The following MED13 variants were observed in gnomAD, a reference collection of about 807,000 sequenced individuals.
The protein encoded by MED13 is mediator of RNA polymerase II transcription subunit 13.
In MED13, 23 loss-of-function variants were observed where a neutral mutation model predicts 225.2. That is an observed-to-expected ratio of 0.10 (90% CI 0.07 to 0.14). The LOEUF is 0.14. Ranked by LOEUF, MED13 falls within the 10% of genes least tolerant of loss-of-function variation. The pLI is 1.00. For synonymous variants in MED13, 942 were observed against 889.2 expected, an observed-to-expected ratio of 1.06 and a Z score of -1.06; for missense variants, 2,197 against 2,594.5, an observed-to-expected ratio of 0.85 and a Z score of 3.33.
At position 62,029,859 on chromosome 17, in the gene MED13, T is replaced by C; in HGVS notation, c.1164A>G (p.Ala388=). 1 of 1,603,094 alleles carries C rather than the reference T, an allele frequency of 6.2e-7. No homozygotes were observed. Among genetic ancestry groups the C allele is most frequent in the Non-Finnish European group, 8.5e-7 (1 of 1,176,678 alleles). The change falls in exon 7 of 30, where the codon GCA becomes GCG. Residue 388 remains alanine (A), a synonymous_variant. Transcript: ENST00000397786. ...TAAATGAAAATACACACTTGTTCTG[T>C]GCTCTGTTCATATTGCATTCTTGCC... ...RVWQECNMNR[A]QNKRKYSASS... is the part of the protein sequence containing the mutation.
At chr17:61,991,463 C>G (rs1167604298) in intron 11 of MED13, among the ~76,000 whole-genome samples, 2 of 152,056 alleles carry the variant, frequency 1.3e-5, no homozygotes, top group Non-Finnish European at 2.9e-5. Flanking sequence ...CCTCAGCCTC[C>G]CAAGTTGCTG....
Position 62,035,450 on chromosome 17 carries a change from T to G in MED13, c.616+13A>C. ...ATAAAAGATCAAATACCTAATATAATAAAATAATCTACCTTGAAATGGGCT... is the reference window on the plus strand; with the variant it reads ...ATAAAAGATCAAATACCTAATATAAGAAAATAATCTACCTTGAAATGGGCT... On this transcript the variant is annotated intron_variant, in intron 4 of 29. Coordinates refer to ENST00000397786, the MANE Select transcript of MED13 (RefSeq NM_005121.3). 2 of 1,577,278 alleles carry G rather than the reference T, an allele frequency of 1.3e-6. No homozygotes were observed. Among genetic ancestry groups the G allele is most frequent in the Middle Eastern group, 1.9e-4 (1 of 5,306 alleles).
intron 16 of MED13, among the ~76,000 whole-genome samples, chr17:61,979,581 T>C (rs766473586): frequency 5.9e-5 from 9 of 152,176 alleles, no homozygotes; most frequent in Non-Finnish European, 1.3e-4. Flanking sequence ...ATGCTGGGAT[T>C]ACAGCCATAA....
At chr17:62,055,267 G>T (rs2080987396) in intron 2 of MED13, among the ~76,000 whole-genome samples, 1 of 151,892 alleles carries the variant, frequency 6.6e-6, no homozygotes, top group African/African-American at 2.4e-5. Flanking sequence ...TGGCACGGCT[G>T]TAGTCCCAGC....
chr17:61,990,602 T>TATATAC (rs1567963197), intron 11 of MED13, among the ~76,000 whole-genome samples: 6 of 144,140 alleles, frequency 4.2e-5, no homozygotes, highest in African/African-American at 1.6e-4. Context: ...TATATATATA[T>TATATAC]ACACACACAC....
At chr17:61,968,373 T>C (rs1486126737) in intron 17 of MED13, 115 bp from the exon 18 acceptor site, 4 of 724,320 alleles carry the variant, frequency 5.5e-6, no homozygotes, top group Non-Finnish European at 8.0e-6. Flanking sequence ...TCGCCCAGAC[T>C]GGAGTGCAGT....
At chr17:61,992,703 C>A in intron 10 of MED13, 82 bp from the exon 11 acceptor site, 1 of 904,164 alleles carries the variant, frequency 1.1e-6, no homozygotes, top group South Asian at 1.4e-5. Flanking sequence ...AGCTGTGTGT[C>A]AGGCATCCAG....
chr17:61,998,139 A>T (rs1379639832), intron 9 of MED13, among the ~76,000 whole-genome samples: 17 of 152,142 alleles, frequency 1.1e-4, no homozygotes, highest in Middle Eastern at 3.4e-3. Context: ...GATGCCAGAT[A>T]AAAAAACTCT....
At chr17:61,959,044 C>A (rs1280202278) in intron 23 of MED13, among the ~76,000 whole-genome samples, 1 of 151,810 alleles carries the variant, frequency 6.6e-6, no homozygotes, top group Non-Finnish European at 1.5e-5. Context: ...GCTCTTGATG[C>A]CCAGGCTAGA....
intron 3 of MED13, among the ~76,000 whole-genome samples, chr17:62,047,033 CTTTT>C (rs34660935): frequency 7.1e-6 from 1 of 141,672 alleles, no homozygotes; most frequent in African/African-American, 2.6e-5. Context: ...CTGTGCCCAG[CTTTT>C]TTTTTTTTTT....
chr17:61,980,067 T>C (rs2080190499), intron 16 of MED13, among the ~76,000 whole-genome samples: 1 of 152,090 alleles, frequency 6.6e-6, no homozygotes, highest in African/African-American at 2.4e-5. Context: ...CGTGCACCTG[T>C]AGTCCCAGCC....
chr17:62,003,492 C>T (rs2080415089), intron 9 of MED13, among the ~76,000 whole-genome samples: 1 of 148,770 alleles, frequency 6.7e-6, no homozygotes, highest in Admixed American at 6.8e-5. Context: ...GTAATCCCAG[C>T]TACTTGGGAG....
rs1014585714 is a variant in MED13 at position 61,965,320 on chromosome 17, C to T, written c.4530G>A (p.Ala1510=). 40 of 1,614,024 alleles carry T rather than the reference C, an allele frequency of 2.5e-5. 1 individual carries two copies. The highest frequency in any genetic ancestry group is 8.3e-5 in the Admixed American group (5 of 59,996). The stretch of plus-strand genomic sequence containing the variant: ...CTGAAGTCACTGTCATAGTGCTGCT[C>T]GCTGCAGATGCTAAGGTGGCAGATG... The part of the protein sequence containing the change: ...NTPSATLASA[A]SSTMTVTSGV... Residue 1510 remains alanine, a synonymous_variant, in exon 20 of 30, where the codon GCG becomes GCA. Transcript: ENST00000397786.
At chr17:61,971,927 C>CT (rs1381986266) in intron 17 of MED13, among the ~76,000 whole-genome samples, 1 of 151,900 alleles carries the variant, frequency 6.6e-6, no homozygotes, top group Non-Finnish European at 1.5e-5. Context: ...AAGCGAGACT[C>CT]TGTCTCCAAA....
At chr17:61,990,442 G>C (rs1171433190) in intron 11 of MED13, among the ~76,000 whole-genome samples, 2 of 151,848 alleles carry the variant, frequency 1.3e-5, no homozygotes, top group Admixed American at 1.3e-4. Flanking sequence ...CCTCATACCA[G>C]TCTCCATTGT....
chr17:61,977,826 A>T (rs984732413), intron 16 of MED13, among the ~76,000 whole-genome samples: 15 of 151,492 alleles, frequency 9.9e-5, no homozygotes, highest in Admixed American at 6.6e-4. Flanking sequence ...CCTGGTCTCA[A>T]GCAATACTCC....
chr17:62,025,930 A>C (rs926611481), intron 8 of MED13, among the ~76,000 whole-genome samples: 3 of 152,240 alleles, frequency 2.0e-5, no homozygotes, highest in African/African-American at 7.2e-5. Flanking sequence ...CCTCCATAAG[A>C]ATATTCAATT....
At chr17:61,993,948 C>CAAAAA (rs111448799) in intron 10 of MED13, among the ~76,000 whole-genome samples, 2 of 144,884 alleles carry the variant, frequency 1.4e-5, no homozygotes, top group Non-Finnish European at 1.5e-5. Context: ...AACAAACAAA[C>CAAAAA]AAAAAAAAAA....
chr17:62,064,322 C>G (rs543472580), intron 1 of MED13, among the ~76,000 whole-genome samples: 2 of 152,314 alleles, frequency 1.3e-5, no homozygotes, highest in Admixed American at 1.3e-4. Flanking sequence ...TGTTACCAGA[C>G]CTGGGCTAAC....
Sources: gnomAD v4.1 joint callset for allele counts (sites outside exome capture counted in the v4.1 genomes callset) on GRCh38, gnomAD v4.1.1 for gene constraint, MANE v1.5 for transcripts, NCBI Gene and HGNC (gene_info 2026-07-23, HGNC 2026-07-21) for gene names.